Variants in CSMD2 observed in about 807,000 individuals in gnomAD.
CSMD2 encodes CUB and Sushi multiple domains 2.
Under a neutral mutation model 398.5 loss-of-function variants are expected in CSMD2, and 130 were observed. The ratio of observed to expected loss-of-function variants is 0.33; its 90% CI spans 0.28 to 0.38. The LOEUF (loss-of-function observed/expected upper bound fraction) is 0.38, where lower values mean the gene tolerates loss of function less well. CSMD2 is among the 10% of genes least tolerant of loss of function. CSMD2 has a pLI of 1.00. For synonymous variants in CSMD2, 1,828 were observed against 1,908.5 expected (o/e 0.96, Z 1.10); for missense variants, 3,829 against 4,764.9 (o/e 0.80, Z 5.78).
intron 1 of CSMD2, among the ~76,000 whole-genome samples, chr1:34,148,604 A>G (rs112343806): frequency 1.7e-5 from 1 of 59,440 alleles, no homozygotes; most frequent in Non-Finnish European, 5.9e-5. Flanking sequence ...CCCCTCCTTC[A>G]GTGGGGCACA....
intron 2 of CSMD2, among the ~76,000 whole-genome samples, chr1:34,042,649 G>A (rs1651986205): frequency 2.6e-5 from 4 of 152,168 alleles, no homozygotes; most frequent in Admixed American, 2.6e-4. Context: ...CAGCTAGAAG[G>A]ACATAATGAT....
chr1:33,705,903 C>T, intron 22 of CSMD2, among the ~76,000 whole-genome samples: 1 of 149,082 alleles, frequency 6.7e-6, no homozygotes, highest in Non-Finnish European at 1.5e-5. Context: ...ATTCCTTGAT[C>T]AGTTCTGCTA....
chr1:33,716,604 T>C, intron 19 of CSMD2, 103 bp from the exon 20 acceptor site: 1 of 791,286 alleles, frequency 1.3e-6, no homozygotes, highest in Non-Finnish European at 2.1e-6. Flanking sequence ...CAAATGTCTA[T>C]CTGTGTGTAT....
chr1:33,632,019 A>C (rs1189383661), intron 32 of CSMD2, among the ~76,000 whole-genome samples: 2 of 152,112 alleles, frequency 1.3e-5, no homozygotes, highest in Non-Finnish European at 2.9e-5. Context: ...GAAATGGATA[A>C]AAAGTCTAAG....
chr1:33,869,210 A>G (rs1396705774), intron 5 of CSMD2: 1 of 152,214 alleles, frequency 6.6e-6, no homozygotes, highest in Admixed American at 6.5e-5. Flanking sequence ...TAGGGTCTTC[A>G]GAGACTATCA....
intron 1 of CSMD2, among the ~76,000 whole-genome samples, chr1:34,151,103 G>T (rs977611759): frequency 6.6e-6 from 1 of 152,132 alleles, no homozygotes; most frequent in African/African-American, 2.4e-5. Context: ...CCGAATCCCT[G>T]CTCACTTTTG....
chr1:33,854,379 T>C (rs544643536), intron 5 of CSMD2, among the ~76,000 whole-genome samples: 1 of 152,356 alleles, frequency 6.6e-6, no homozygotes, highest in African/African-American at 2.4e-5. Flanking sequence ...AATGAGAGCC[T>C]GCTGGTGAAA....
At chr1:34,024,488 T>C (rs1649366530) in intron 3 of CSMD2, among the ~76,000 whole-genome samples, 1 of 152,266 alleles carries the variant, frequency 6.6e-6, no homozygotes, top group Non-Finnish European at 1.5e-5. Context: ...TGTGGGATTA[T>C]TGAGGACGTG....
At chr1:34,111,005 A>T (rs1661027123) in intron 1 of CSMD2, among the ~76,000 whole-genome samples, 1 of 152,186 alleles carries the variant, frequency 6.6e-6, no homozygotes, top group Non-Finnish European at 1.5e-5. Flanking sequence ...TTTCAATAGC[A>T]TGTATCACTC....
rs774763812 is a variant in CSMD2, at chr1:33,709,116, G to A, written c.3549C>T (p.Phe1183=). The change falls in exon 22 of 71, where the codon TTC becomes TTT. Residue 1183 remains phenylalanine (F), a synonymous_variant. Coordinates refer to ENST00000373381, the MANE Select transcript of CSMD2 (RefSeq NM_001281956.2). ...GKGIQLKARA[F]ELSEGDVLKV... ...TGAGGACATCTCCTTCGGAGAGTTCGAATGCCCTGGCTTTCAGCTGAATTC... is the reference window on the plus strand; with the variant it reads ...TGAGGACATCTCCTTCGGAGAGTTCAAATGCCCTGGCTTTCAGCTGAATTC... 11 of 1,613,716 alleles carry A rather than the reference G, an allele frequency of 6.8e-6. No homozygotes were observed. The East Asian group carries it at 1.1e-4, about 16-fold the overall frequency.
chr1:33,968,431 A>T (rs960872406), intron 3 of CSMD2, among the ~76,000 whole-genome samples: 3 of 152,202 alleles, frequency 2.0e-5, no homozygotes, highest in Non-Finnish European at 4.4e-5. Context: ...CCAACAGAAC[A>T]TGAAAAAGGG....
chr1:33,934,433 A>G (rs1644405211), intron 4 of CSMD2, among the ~76,000 whole-genome samples: 1 of 152,248 alleles, frequency 6.6e-6, no homozygotes, highest in African/African-American at 2.4e-5. Flanking sequence ...GAGAAGGGAA[A>G]AGGAGGGACA....
intron 1 of CSMD2, among the ~76,000 whole-genome samples, chr1:34,104,644 G>A (rs746805708): frequency 3.3e-5 from 5 of 152,160 alleles, no homozygotes; most frequent in Non-Finnish European, 4.4e-5. Context: ...CATCACGCCC[G>A]CTGAAGGTGT....
Position 33,821,166 on chromosome 1 carries a change from C to T in CSMD2, c.1112-610G>A, listed in dbSNP as rs898541508. Among the ~76,000 whole-genome samples, 17 of 152,298 alleles carry T rather than the reference C, an allele frequency of 1.1e-4. No individual in the cohort carries two copies. The East Asian group carries it at 2.9e-3, about 26-fold the overall frequency. ...CCAGAGCATCCCCTACCCAGTGCCA[C>T]CCATCAAGGGCACCGGGCAGAGATG... On this transcript the variant is annotated intron_variant, in intron 7 of 70. Transcript: ENST00000373381.
chr1:34,136,810 T>C (rs1638798101), intron 1 of CSMD2, among the ~76,000 whole-genome samples: 1 of 152,216 alleles, frequency 6.6e-6, no homozygotes, highest in African/African-American at 2.4e-5. Context: ...TTCATCTGTC[T>C]ATATGTCTAC....
In CSMD2 at chr1:34,032,678, T is replaced by C; in HGVS notation, c.433A>G (p.Ile145Val). 1.3e-6 allele frequency: 2 copies of C among 1,598,444 alleles called. No individual in the cohort carries two copies. The highest frequency in any genetic ancestry group is 1.7e-6 in the Non-Finnish European group (2 of 1,172,424). The change falls in exon 3 of 71, where the codon ATT (isoleucine) becomes GTT (valine). Residue 145 changes from isoleucine (I) to valine (V), a missense_variant. Ile to Val is a conservative substitution (Grantham distance 29). Around this residue, in one of 5 missense-constraint regions of CSMD2, gnomAD observed 184 missense variants for 217.7 expected, o/e 0.85. Transcript: ENST00000373381. ...RLTGFQLPAT[I>V]VSAATTLSLR... ...GAGAGGGTGGTGGCTGCACTAACAA[T>C]GGTGGCTGGCAGCTGAAAGCCTGTG...
intron 7 of CSMD2, among the ~76,000 whole-genome samples, chr1:33,821,099 C>T (rs1332148036): frequency 6.6e-6 from 1 of 152,184 alleles, no homozygotes; most frequent in East Asian, 1.9e-4. Flanking sequence ...TTCTGAGAAA[C>T]CTCTTCCCAT....
intron 5 of CSMD2, among the ~76,000 whole-genome samples, chr1:33,893,731 C>T (rs919663415): frequency 1.3e-5 from 2 of 152,246 alleles, no homozygotes; most frequent in African/African-American, 2.4e-5. Context: ...AGCAGACTGT[C>T]TTGCATTCCA....
intron 3 of CSMD2, among the ~76,000 whole-genome samples, chr1:34,010,680 A>G (rs984296436): frequency 6.6e-6 from 1 of 151,246 alleles, no homozygotes; most frequent in South Asian, 2.1e-4. Context: ...GTGCAGTGGC[A>G]CGATCTCGGC....
Sources: allele counts gnomAD v4.1 joint callset (sites outside exome capture counted in the v4.1 genomes callset), GRCh38; gene constraint gnomAD v4.1.1; regional missense constraint gnomAD v4.1.1; transcripts MANE v1.5; gene names NCBI Gene and HGNC (gene_info 2026-07-23, HGNC 2026-07-21).